The following GRID1 variants were observed in gnomAD, a reference collection of about 807,000 sequenced individuals.
GRID1 encodes the protein glutamate ionotropic receptor delta type subunit 1.
In GRID1, 28 loss-of-function variants were observed where a neutral mutation model predicts 98.0. The observed-to-expected ratio is 0.29, with a 90% confidence interval of 0.21 to 0.39. The LOEUF (loss-of-function observed/expected upper bound fraction) is 0.39, where lower values mean the gene tolerates loss of function less well. Among genes scored for constraint, GRID1 ranks in the 10% least tolerant of loss-of-function variants. GRID1 has a pLI of 1.00. For missense variants in GRID1, 1,111 were observed against 1,340.5 expected (o/e 0.83, Z 2.67); for synonymous variants, 553 against 538.5 (o/e 1.03, Z -0.37).
intron 12 of GRID1, among the ~76,000 whole-genome samples, chr10:85,660,277 A>G (rs1400419928): frequency 6.6e-6 from 1 of 152,166 alleles, no homozygotes; most frequent in African/African-American, 2.4e-5. Flanking sequence ...TTGTTCTTTG[A>G]GGTAATTATT....
intron 4 of GRID1, among the ~76,000 whole-genome samples, chr10:86,078,446 C>T (rs566052297): frequency 6.6e-6 from 1 of 152,358 alleles, no homozygotes; most frequent in South Asian, 2.1e-4. Flanking sequence ...GGAACGGGTG[C>T]TCCGCGGCCT....
chr10:86,285,964 T>C (rs923801978), intron 2 of GRID1, among the ~76,000 whole-genome samples: 2 of 152,154 alleles, frequency 1.3e-5, no homozygotes, highest in African/African-American at 4.8e-5. Context: ...CAAGAACTTA[T>C]TGTAGATGTG....
intron 4 of GRID1, among the ~76,000 whole-genome samples, chr10:85,932,118 C>T (rs61855980): frequency 0.016 from 2,401 of 152,284 alleles, 23 homozygotes; most frequent in Non-Finnish European, 0.023. Context: ...AGAGGCCTGC[C>T]GGCAGAACCA....
chr10:86,245,227 G>A (rs1846704162), intron 2 of GRID1, among the ~76,000 whole-genome samples: 1 of 152,146 alleles, frequency 6.6e-6, no homozygotes, highest in Non-Finnish European at 1.5e-5. Context: ...GGAGGGAAGA[G>A]GGGACACTAC....
intron 15 of GRID1, among the ~76,000 whole-genome samples, chr10:85,612,051 A>G (rs1842737649): frequency 6.6e-6 from 1 of 152,220 alleles, no homozygotes; most frequent in East Asian, 1.9e-4. Context: ...ATATCCCCGA[A>G]CATTGCAGAT....
chr10:85,871,960 A>G (rs1489058518), intron 5 of GRID1, among the ~76,000 whole-genome samples: 1 of 152,214 alleles, frequency 6.6e-6, no homozygotes, highest in Non-Finnish European at 1.5e-5. Context: ...AGATGATTTT[A>G]TTAGATTGGA....
At chr10:85,949,956 T>C (rs1191688647) in intron 4 of GRID1, among the ~76,000 whole-genome samples, 1 of 149,072 alleles carries the variant, frequency 6.7e-6, no homozygotes, top group Non-Finnish European at 1.5e-5. Flanking sequence ...GGATGGATAG[T>C]TGGATGGATG....
At chr10:86,284,751 C>T (rs1020806792) in intron 2 of GRID1, among the ~76,000 whole-genome samples, 1 of 152,234 alleles carries the variant, frequency 6.6e-6, no homozygotes, top group Admixed American at 6.5e-5. Context: ...GGCCACAATG[C>T]CATCCACTGT....
intron 4 of GRID1, among the ~76,000 whole-genome samples, chr10:86,102,167 G>A (rs1844305652): frequency 6.6e-6 from 1 of 152,242 alleles, no homozygotes; most frequent in Non-Finnish European, 1.5e-5. Flanking sequence ...TCTGAGCAGG[G>A]TAATGACATG....
At chr10:85,792,634 C>G (rs1842490757) in intron 8 of GRID1, among the ~76,000 whole-genome samples, 1 of 152,166 alleles carries the variant, frequency 6.6e-6, no homozygotes. Context: ...AATGAAGTGA[C>G]TGCTGCAGCT....
At chr10:86,145,379 C>G (rs1453011083) in intron 3 of GRID1, among the ~76,000 whole-genome samples, 2 of 152,174 alleles carry the variant, frequency 1.3e-5, no homozygotes, top group South Asian at 2.1e-4. Context: ...CCCGCCACCA[C>G]GCCCGGCTCA....
chr10:85,995,074 T>G (rs1842724655), intron 4 of GRID1, among the ~76,000 whole-genome samples: 1 of 152,204 alleles, frequency 6.6e-6, no homozygotes, highest in South Asian at 2.1e-4. Flanking sequence ...ACTTGCGGAT[T>G]TTTATGTTAA....
At chr10:85,765,691 T>C (rs1485763882) in intron 8 of GRID1, among the ~76,000 whole-genome samples, 1 of 152,240 alleles carries the variant, frequency 6.6e-6, no homozygotes, top group East Asian at 1.9e-4. Flanking sequence ...ATTATTTATA[T>C]GCAAATATTC....
intron 4 of GRID1, among the ~76,000 whole-genome samples, chr10:85,936,977 G>T (rs1256705701): frequency 6.6e-6 from 1 of 152,116 alleles, no homozygotes; most frequent in Non-Finnish European, 1.5e-5. Context: ...CAATTTTACT[G>T]ATGTGAACCA....
intron 6 of GRID1, among the ~76,000 whole-genome samples, chr10:85,865,942 T>TACATATATATATATATATATATAC (rs1843214227): frequency 7.4e-5 from 7 of 94,876 alleles, no homozygotes; most frequent in African/African-American, 2.8e-4. Context: ...TATATATATA[T>TACATATATATATATATATATATAC]ACACATATAT....
chr10:86,245,397 C>T (rs959959357), intron 2 of GRID1, among the ~76,000 whole-genome samples: 5 of 152,208 alleles, frequency 3.3e-5, no homozygotes, highest in Non-Finnish European at 7.3e-5. Context: ...CACTGCAGCT[C>T]CTACTACCAT....
chr10:85,675,974 C>G (rs553891742), intron 12 of GRID1, among the ~76,000 whole-genome samples: 2 of 152,218 alleles, frequency 1.3e-5, no homozygotes, highest in East Asian at 3.9e-4. Flanking sequence ...ATCCCCAAGG[C>G]CTTTGGCAAA....
intron 5 of GRID1, among the ~76,000 whole-genome samples, chr10:85,904,387 G>T (rs1841430797): frequency 1.3e-5 from 2 of 152,128 alleles, no homozygotes; most frequent in Admixed American, 6.5e-5. Flanking sequence ...GTGGGGAGAG[G>T]AAGCATGCAG....
In GRID1 at chr10:86,206,678, G is replaced by A; in HGVS notation, c.236-30C>T. Reference sequence around the variant, plus strand: ...AAAGAGAGAAGAGAGAGAGGAAGGGGTCAGCATCAGGGCGATGCTGCACCA... The same window carrying A: ...AAAGAGAGAAGAGAGAGAGGAAGGGATCAGCATCAGGGCGATGCTGCACCA... On this transcript the variant is annotated intron_variant, in intron 2 of 15. Transcript: ENST00000327946. The surrounding 1 kb of genome is among the most constrained non-coding windows in gnomAD (Gnocchi z 4.1). The A allele has an allele frequency of 6.3e-7, 1 of 1,590,530 alleles. No homozygotes were observed.
Sources: allele counts gnomAD v4.1 joint callset (sites outside exome capture counted in the v4.1 genomes callset), GRCh38; gene constraint gnomAD v4.1.1; non-coding constraint Gnocchi (gnomAD v3.1); transcripts MANE v1.5; gene names NCBI Gene and HGNC (gene_info 2026-07-23, HGNC 2026-07-21).